The following MZT2B variants were observed in gnomAD, a reference collection of about 807,000 sequenced individuals.
The protein encoded by MZT2B is mitotic-spindle organizing protein 2B.
MZT2B carries 11 observed loss-of-function variants against 12.1 expected under a neutral mutation model. That is an observed-to-expected ratio of 0.91 (90% CI 0.57 to 1.50). The LOEUF (loss-of-function observed/expected upper bound fraction) is 1.50. Ranked by LOEUF, MZT2B falls within the 40% of genes most tolerant of loss-of-function variation. The probability of loss-of-function intolerance (pLI) is 0.00; values close to 1 mark genes in which losing one functional copy is unlikely to be tolerated. For missense variants in MZT2B, 209 were observed against 227.7 expected, an observed-to-expected ratio of 0.92 and a Z score of 0.53; for synonymous variants, 85 against 109.5, an observed-to-expected ratio of 0.78 and a Z score of 1.40.
At chr2:130,194,099 A>G (rs1291550099), downstream of MZT2B, 5 of 1,614,198 alleles carry the variant, frequency 3.1e-6, no homozygotes, top group Non-Finnish European at 3.4e-6. Flanking sequence ...GTCCACATTC[A>G]GGGCCCCATC....
At chr2:130,194,357 C>T (rs924423680), downstream of MZT2B, 1 of 1,613,236 alleles carries the variant, frequency 6.2e-7, no homozygotes, top group Non-Finnish European at 8.5e-7. Flanking sequence ...GGACTTCTTG[C>T]TGTAATCCAC....
chr2:130,201,973 A>T, the MZT2B span, among the ~76,000 whole-genome samples: 1 of 152,236 alleles, frequency 6.6e-6, no homozygotes, highest in East Asian at 1.9e-4. Context: ...ACATCATTAT[A>T]TGCTACGTGA....
At chr2:130,185,586 A>AG (rs1273284321) in intron 2 of MZT2B, among the ~76,000 whole-genome samples, 2 of 104,202 alleles carry the variant, frequency 1.9e-5, no homozygotes, top group African/African-American at 3.5e-5. Context: ...TTACAGCAGG[A>AG]GGGGGGTCGG....
At chr2:130,203,020 A>G in the MZT2B span, among the ~76,000 whole-genome samples, 1 of 151,388 alleles carries the variant, frequency 6.6e-6, no homozygotes, top group Non-Finnish European at 1.5e-5. Flanking sequence ...GTAATAACAC[A>G]ATTAGGTTCT....
At chr2:130,187,192 TA>T (rs965505241) in intron 2 of MZT2B, among the ~76,000 whole-genome samples, 11 of 151,846 alleles carry the variant, frequency 7.2e-5, no homozygotes, top group Admixed American at 1.3e-4. Flanking sequence ...TTTTACTTTT[TA>T]TTTATTTATT....
chr2:130,182,098 C>T (rs1156684507), upstream of MZT2B: 1 of 1,343,396 alleles, frequency 7.4e-7, no homozygotes, highest in Non-Finnish European at 9.6e-7. Flanking sequence ...CCGCTCAGCA[C>T]ACCGTGAGCG....
intron 2 of MZT2B, among the ~76,000 whole-genome samples, chr2:130,187,636 G>A (rs1346842720): frequency 3.3e-5 from 5 of 152,128 alleles, no homozygotes; most frequent in Non-Finnish European, 4.4e-5. Flanking sequence ...TGTCTAGCCC[G>A]TCTGACTCAG....
At chr2:130,197,988 C>T in the MZT2B span, among the ~76,000 whole-genome samples, 1 of 123,194 alleles carries the variant, frequency 8.1e-6, no homozygotes, top group Non-Finnish European at 1.8e-5. Flanking sequence ...TGTCCACAGC[C>T]CCAACCCCCG....
At chr2:130,204,111 G>A in the MZT2B span, 1 of 1,288,708 alleles carries the variant, frequency 7.8e-7, no homozygotes, top group African/African-American at 1.5e-5. Context: ...AAGACTAAAT[G>A]TCCAGCCTTC....
downstream of MZT2B, chr2:130,194,960 G>C: frequency 6.5e-7 from 1 of 1,537,496 alleles, no homozygotes; most frequent in African/African-American, 1.4e-5. Flanking sequence ...TTACACGTGT[G>C]AGCCACCGCG....
downstream of MZT2B, among the ~76,000 whole-genome samples, chr2:130,193,457 A>AAATTAGCCGGGCATGGTGGCAG (rs1690319715): frequency 6.6e-6 from 1 of 150,856 alleles, no homozygotes; most frequent in Non-Finnish European, 1.5e-5. Context: ...AAAAATACAA[A>AAATTAGCCGGGCATGGTGGCAG]AATTAGCCGG....
At chr2:130,181,692 C>A (rs1377200406), upstream of MZT2B, 1 of 1,548,474 alleles carries the variant, frequency 6.5e-7, no homozygotes, top group Non-Finnish European at 8.7e-7. Context: ...GTGCGCAAAG[C>A]GAAGGCCGGC....
downstream of MZT2B, chr2:130,190,746 T>TTTG: frequency 2.6e-6 from 3 of 1,170,252 alleles, no homozygotes; most frequent in Non-Finnish European, 2.2e-6. Context: ...CTACCGTTTT[T>TTTG]TTTTTTTGTT....
At chr2:130,191,869 A>G, downstream of MZT2B, 1 of 1,613,246 alleles carries the variant, frequency 6.2e-7, no homozygotes, top group Non-Finnish European at 8.5e-7. Context: ...GCTTCCACGG[A>G]ATCCACGCCC....
At chr2:130,192,169 C>T (rs1690280627), downstream of MZT2B, 1 of 1,562,490 alleles carries the variant, frequency 6.4e-7, no homozygotes, top group Non-Finnish European at 8.7e-7. Flanking sequence ...AAGCTTATAT[C>T]AAACCTAGAA....
At chr2:130,199,698 G>GAGA in the MZT2B span, among the ~76,000 whole-genome samples, 14,640 of 122,498 alleles carry the variant, frequency 0.12, 4,897 homozygotes, top group African/African-American at 0.4. Flanking sequence ...TTTGAAATTA[G>GAGA]AGAAGTCTTG....
At position 130,182,303 on chromosome 2, in the gene MZT2B, G is replaced by A; in HGVS notation, c.21G>A (p.Gly7=). 3 of 1,501,304 alleles carry A rather than the reference G, an allele frequency of 2.0e-6. No homozygotes were observed. Among genetic ancestry groups the A allele is most frequent in the Non-Finnish European group, 2.6e-6 (3 of 1,132,106 alleles). 93.0% of individuals were successfully genotyped at this position (1,501,304 alleles called of 1,614,324 possible). A position where few individuals can be genotyped will look rare whatever the true frequency, so the allele number is the denominator to read the frequency against. Residue 7 remains glycine (G), a synonymous_variant, in exon 1 of 3, where the codon GGG becomes GGA. Transcript: ENST00000281871. ...CGGGGATGGCGGCGCAGGGCGTAGG[G>A]CCTGGGCCGGGGTCGGCGGCGCCCC... MAAQGV[G]PGPGSAAPPG...
At chr2:130,196,308 G>C in the MZT2B span, 1 of 1,614,122 alleles carries the variant, frequency 6.2e-7, no homozygotes, top group Non-Finnish European at 8.5e-7. Flanking sequence ...AGGCAGTACA[G>C]TTCCCAGCAG....
At chr2:130,196,323 T>C in the MZT2B span, 1 of 1,614,152 alleles carries the variant, frequency 6.2e-7, no homozygotes, top group Non-Finnish European at 8.5e-7. Flanking sequence ...CAGCAGGCAT[T>C]GCCGATCTGG....
Sources: allele counts gnomAD v4.1 joint callset (sites outside exome capture counted in the v4.1 genomes callset), GRCh38; gene constraint gnomAD v4.1.1; transcripts MANE v1.5; gene names NCBI Gene and HGNC (gene_info 2026-07-23, HGNC 2026-07-21).